FBXL17: variants seen among roughly 807,000 people sequenced by gnomAD.
The protein encoded by FBXL17 is F-box and leucine rich repeat protein 17.
In FBXL17, 22 loss-of-function variants were observed where a neutral mutation model predicts 66.2. The ratio of observed to expected loss-of-function variants is 0.33; its 90% CI spans 0.24 to 0.47. The LOEUF is 0.47. Among genes scored for constraint, FBXL17 ranks in the 20% least tolerant of loss-of-function variants. The pLI, the probability that FBXL17 is intolerant of heterozygous loss-of-function variation, is 1.00. For missense variants in FBXL17, 878 were observed against 948.2 expected (o/e 0.93, Z 0.97); for synonymous variants, 474 against 400.5 (o/e 1.18, Z -2.19).
At chr5:108,090,747 C>G (rs912357317) in intron 6 of FBXL17, among the ~76,000 whole-genome samples, 1 of 152,112 alleles carries the variant, frequency 6.6e-6, no homozygotes, top group African/African-American at 2.4e-5. Flanking sequence ...GTGGGCCATA[C>G]AAAAACAGGC....
At chr5:108,272,682 C>T (rs910305387) in intron 4 of FBXL17, among the ~76,000 whole-genome samples, 1 of 152,074 alleles carries the variant, frequency 6.6e-6, no homozygotes, top group African/African-American at 2.4e-5. Flanking sequence ...AATAAATGAT[C>T]CCGCATTTTC....
chr5:108,000,653 T>C lies in FBXL17; in HGVS notation c.1822+20272A>G, dbSNP rs944134144. On this transcript the variant is annotated intron_variant, in intron 7 of 8. Coordinates refer to ENST00000542267, the MANE Select transcript of FBXL17 (RefSeq NM_001163315.3). The stretch of plus-strand genomic sequence containing the variant: ...CTCTATCTTCAACTTTCTATTAAGA[T>C]AGATATGCCAGAATCTCAAGACAAT... 1.9e-4 allele frequency among the ~76,000 whole-genome samples: 29 copies of C among 152,354 alleles called. No individual in the cohort carries two copies. In the East Asian group the frequency reaches 3.5e-3, roughly 18 times the overall value.
intron 7 of FBXL17, among the ~76,000 whole-genome samples, chr5:108,002,182 A>ATTTTTTTTTTTT (rs765399250): frequency 5.5e-5 from 6 of 109,454 alleles, no homozygotes; most frequent in African/African-American, 2.7e-4. Flanking sequence ...CACCCAGCTA[A>ATTTTTTTTTTTT]TTTTTTTTTT....
chr5:108,141,043 T>A (rs1241419600), intron 6 of FBXL17, among the ~76,000 whole-genome samples: 1 of 152,182 alleles, frequency 6.6e-6, no homozygotes. Context: ...TGTGATGATA[T>A]CATTCCCCTA....
intron 7 of FBXL17, among the ~76,000 whole-genome samples, chr5:107,903,633 A>G (rs754585002): frequency 1.3e-5 from 2 of 152,152 alleles, no homozygotes; most frequent in Non-Finnish European, 2.9e-5. Flanking sequence ...TCTTATATCA[A>G]AGAACTGTGG....
At chr5:107,954,987 A>T (rs1167426215) in intron 7 of FBXL17, among the ~76,000 whole-genome samples, 2 of 152,140 alleles carry the variant, frequency 1.3e-5, no homozygotes, top group African/African-American at 2.4e-5. Flanking sequence ...CACCCCGTAG[A>T]TGTTAAGAAT....
intron 4 of FBXL17, among the ~76,000 whole-genome samples, chr5:108,324,202 T>C (rs1200599219): frequency 6.6e-6 from 1 of 151,734 alleles, no homozygotes; most frequent in Non-Finnish European, 1.5e-5. Flanking sequence ...AGTTAATATC[T>C]GAAACATACA....
chr5:107,881,388 T>C (rs890897607), intron 7 of FBXL17, among the ~76,000 whole-genome samples: 4 of 152,200 alleles, frequency 2.6e-5, no homozygotes, highest in Admixed American at 6.5e-5. Flanking sequence ...ATTCCATAAT[T>C]TCCCTTTCAT....
At position 107,971,842 on chromosome 5, in the gene FBXL17, C is replaced by T. The variant is rs559507967; in HGVS notation, c.1822+49083G>A. On this transcript the variant is annotated intron_variant, in intron 7 of 8. Coordinates refer to ENST00000542267, the MANE Select transcript of FBXL17 (RefSeq NM_001163315.3). ...CCAATTCAGCTCACATGCCATCTCC[C>T]CCAGCAAACCTTAACTCCTCACCCC... is the stretch of plus-strand genomic sequence containing the variant. 1.2e-4 allele frequency among the ~76,000 whole-genome samples: 18 copies of T among 152,310 alleles called. 1 individual carries two copies. The South Asian group carries it at 3.7e-3, about 32-fold the overall frequency.
At chr5:107,980,537 T>C (rs1184324182) in intron 7 of FBXL17, among the ~76,000 whole-genome samples, 2 of 148,394 alleles carry the variant, frequency 1.3e-5, no homozygotes, top group Non-Finnish European at 3.0e-5. Flanking sequence ...GGTTTCACCA[T>C]GTTGCCCAGG....
chr5:108,080,905 C>T (rs1470416497), intron 6 of FBXL17, among the ~76,000 whole-genome samples: 1 of 152,082 alleles, frequency 6.6e-6, no homozygotes, highest in Non-Finnish European at 1.5e-5. Flanking sequence ...CTTACCAGAC[C>T]TAAAAAGGTG....
chr5:108,182,771 T>G (rs973023654), intron 6 of FBXL17, among the ~76,000 whole-genome samples: 1 of 152,132 alleles, frequency 6.6e-6, no homozygotes, highest in African/African-American at 2.4e-5. Flanking sequence ...AAGTGAGAGC[T>G]CTCGACATTT....
intron 6 of FBXL17, among the ~76,000 whole-genome samples, chr5:108,148,021 G>T (rs965123607): frequency 7.9e-5 from 12 of 151,972 alleles, no homozygotes; most frequent in African/African-American, 2.9e-4. Context: ...TCTCATTAAA[G>T]AAAATTCTAA....
At chr5:107,883,991 T>C (rs1460961663) in intron 7 of FBXL17, among the ~76,000 whole-genome samples, 1 of 152,162 alleles carries the variant, frequency 6.6e-6, no homozygotes, top group African/African-American at 2.4e-5. Context: ...GCAGGTATTC[T>C]ACGTGGCTGA....
At chr5:107,946,349 C>T (rs752261940) in intron 7 of FBXL17, among the ~76,000 whole-genome samples, 31 of 126,918 alleles carry the variant, frequency 2.4e-4, no homozygotes, top group Non-Finnish European at 4.7e-4. Flanking sequence ...GGCTGAAGTG[C>T]AGTGACATGA....
chr5:108,087,827 G>A (rs17160969), intron 6 of FBXL17, among the ~76,000 whole-genome samples: 2,136 of 152,180 alleles, frequency 0.014, 35 homozygotes, highest in African/African-American at 0.047. Context: ...TGTTGGTGAG[G>A]CAGAAAGGCA....
intron 6 of FBXL17, among the ~76,000 whole-genome samples, chr5:108,170,969 A>C (rs1004485903): frequency 6.6e-6 from 1 of 152,208 alleles, no homozygotes; most frequent in Non-Finnish European, 1.5e-5. Flanking sequence ...CAGAGAAGAA[A>C]AGAACACAGA....
chr5:108,347,884 G>A (rs1747382978), intron 4 of FBXL17, among the ~76,000 whole-genome samples: 1 of 152,234 alleles, frequency 6.6e-6, no homozygotes, highest in African/African-American at 2.4e-5. Flanking sequence ...TATATTAAAT[G>A]TGTCTGCATT....
At chr5:108,138,892 T>G (rs768764051) in intron 6 of FBXL17, among the ~76,000 whole-genome samples, 1 of 152,148 alleles carries the variant, frequency 6.6e-6, no homozygotes, top group Non-Finnish European at 1.5e-5. Flanking sequence ...AATAAAAGCT[T>G]GTGACAAATT....
Sources: allele counts gnomAD v4.1 joint callset (sites outside exome capture counted in the v4.1 genomes callset), GRCh38; gene constraint gnomAD v4.1.1; transcripts MANE v1.5; gene names NCBI Gene and HGNC (gene_info 2026-07-23, HGNC 2026-07-21).